The following DDX28 variants were observed in gnomAD, a reference collection of about 807,000 sequenced individuals.
DDX28 encodes probable ATP-dependent RNA helicase DDX28.
DDX28 carries 25 observed loss-of-function variants against 26.8 expected under a neutral mutation model. The observed-to-expected ratio is 0.93, with a 90% CI of 0.68 to 1.30. The LOEUF is 1.30. Ranked by LOEUF, DDX28 falls within the 50% of genes most tolerant of loss-of-function variation. The pLI is 0.00. For synonymous variants in DDX28, 370 were observed against 311.9 expected, an observed-to-expected ratio of 1.19 and a Z score of -1.96; for missense variants, 790 against 695.1, an observed-to-expected ratio of 1.14 and a Z score of -1.53.
Position 68,021,838 on chromosome 16 carries a change from G to A in DDX28, c.1365C>T (p.Asp455=), listed in dbSNP as rs759362509. The change falls in exon 1 of 1, where the codon GAC becomes GAT. Residue 455 remains aspartate (D), a synonymous_variant. Coordinates refer to ENST00000332395, the MANE Select transcript of DDX28 (RefSeq NM_018380.4). The part of the protein sequence containing the change: ...KSSRDILLCT[D]IASRGLDSTG... ...TGCTGTCCAGGCCCCGAGAGGCTAT[G>A]TCTGTGCAGAGAAGTATGTCTCGGG... The A allele has an allele frequency of 6.2e-7, 1 of 1,614,234 alleles. No individual in the cohort carries two copies. The highest frequency in any genetic ancestry group is 1.7e-5 in the Admixed American group (1 of 60,012).
chr16:68,021,567 A>T lies in DDX28; in HGVS notation c.*13T>A. 1 of 1,606,670 alleles carries T rather than the reference A, an allele frequency of 6.2e-7. No homozygotes were observed. Among genetic ancestry groups the T allele is most frequent in the Non-Finnish European group, 8.5e-7 (1 of 1,175,332 alleles). On this transcript the variant is annotated 3_prime_UTR_variant, in exon 1 of 1. Transcript: ENST00000332395. ...CCTGTTCTAGCATCACATTTTAATC[A>T]GATTTGTCAAAATCAGGTTGCTTGG...
In DDX28 at chr16:68,021,547, TC is replaced by T. The variant is rs1346231145; in HGVS notation, c.*32del. ...TCAAGATACTGGGAAAGATCCCTGT[TC>T]TAGCATCACATTTTAATCAGATTTG... On this transcript the variant is annotated 3_prime_UTR_variant, in exon 1 of 1. Coordinates refer to ENST00000332395, the MANE Select transcript of DDX28 (RefSeq NM_018380.4). The T allele has an allele frequency of 6.3e-7, 1 of 1,590,428 alleles. No homozygotes were observed. The highest frequency in any genetic ancestry group is 1.2e-5 in the South Asian group (1 of 86,320).
At position 68,021,860 on chromosome 16, in the gene DDX28, C is replaced by T; in HGVS notation, c.1343G>A (p.Arg448Gln). The change falls in exon 1 of 1, where the codon CGA becomes CAA. Residue 448 changes from arginine (R) to glutamine (Q), a missense_variant. Transcript: ENST00000332395. ...GIFQSFQKSS[R>Q]DILLCTDIAS... ...TATGTCTGTGCAGAGAAGTATGTCTCGGGAGCTCTTCTGGAAGGACTGGAA... is the reference window on the plus strand; with the variant it reads ...TATGTCTGTGCAGAGAAGTATGTCTTGGGAGCTCTTCTGGAAGGACTGGAA... The T allele has an allele frequency of 3.7e-6, 6 of 1,614,164 alleles. No homozygotes were observed. Among genetic ancestry groups the T allele is most frequent in the Non-Finnish European group, 5.1e-6 (6 of 1,180,042 alleles).
In DDX28 at chr16:68,021,804, C is replaced by G. The variant is rs749538296; in HGVS notation, c.1399G>C (p.Glu467Gln). 6.2e-7 allele frequency: 1 copy of G among 1,614,132 alleles called. No individual in the cohort carries two copies. Among genetic ancestry groups the G allele is most frequent in the East Asian group, 2.2e-5 (1 of 44,890 alleles). Residue 467 changes from glutamate to glutamine, a missense_variant, in exon 1 of 1, where the codon GAG becomes CAG. Transcript: ENST00000332395. ...GGGAAATCATAATTGACAACCAGCT[C>G]CACACCAGTGCTGTCCAGGCCCCGA... is the stretch of plus-strand genomic sequence containing the variant. The part of the protein sequence containing the change: ...ASRGLDSTGV[E>Q]LVVNYDFPPT...
At position 68,022,112 on chromosome 16, in the gene DDX28, T is replaced by C. The variant is rs200156577; in HGVS notation, c.1091A>G (p.His364Arg). 69 of 1,614,030 alleles carry C rather than the reference T, an allele frequency of 4.3e-5. No individual in the cohort carries two copies. The highest frequency in any genetic ancestry group is 5.2e-5 in the Non-Finnish European group (61 of 1,180,022). ...TSSKLHCIMP[H>R]VKQTFLRLKG... ...CAGTCTCAGAAATGTCTGTTTCACA[T>C]GAGGCATGATACAGTGGAGCTTGGA... The change falls in exon 1 of 1, where the codon CAT becomes CGT. Residue 364 changes from histidine (H) to arginine (R), a missense_variant. Physicochemically the swap from His to Arg is conservative, Grantham distance 29. Transcript: ENST00000332395.
rs2033227478 is a variant in DDX28, at chr16:68,020,985, A to G, written c.*595T>C. On this transcript the variant is annotated 3_prime_UTR_variant, in exon 1 of 1. Transcript: ENST00000332395. ...CGGCTACCGAGTTGGGATAGAAGGCAGAACCTGAAAATGTACAAGCAAAAC... is the reference window on the plus strand; with the variant it reads ...CGGCTACCGAGTTGGGATAGAAGGCGGAACCTGAAAATGTACAAGCAAAAC... Among the ~76,000 whole-genome samples the G allele has an allele frequency of 6.6e-6, 1 of 151,314 alleles. No homozygotes were observed. Among genetic ancestry groups the G allele is most frequent in the South Asian group, 2.1e-4 (1 of 4,814 alleles).
rs766176001 is a variant in DDX28 at position 68,023,169 on chromosome 16, G to A, written c.34C>T (p.Leu12Phe). 70 of 1,609,428 alleles carry A rather than the reference G, an allele frequency of 4.3e-5. No homozygotes were observed. Among genetic ancestry groups the A allele is most frequent in the Non-Finnish European group, 5.5e-5 (65 of 1,179,622 alleles). ...GGCGCCAGGAGCAACCGAGTCACGA[G>A]GGAAAAGAGCCGCACCGGCCGCGTT... is the stretch of plus-strand genomic sequence containing the variant. ...ALTRPVRLFS[L>F]VTRLLLAPRR... is the part of the protein sequence containing the mutation. The change falls in exon 1 of 1, where the codon CTC becomes TTC. Residue 12 changes from leucine (L) to phenylalanine (F), a missense_variant. By Grantham distance (22) the Leu-to-Phe change is conservative. Coordinates refer to ENST00000332395, the MANE Select transcript of DDX28 (RefSeq NM_018380.4).
chr16:68,022,407 G>A lies in DDX28; in HGVS notation c.796C>T (p.Leu266=), dbSNP rs762169875. ...AGTCGACTTTTCAGGGCCTTCCACA[G>A]AGCCCCTGGAGTGGCCACAAGCACA... ...ADVLVATPGA[L]WKALKSRLIS... The change falls in exon 1 of 1, where the codon CTG becomes TTG. Residue 266 remains leucine, a synonymous_variant. Transcript: ENST00000332395. 8.7e-6 allele frequency: 14 copies of A among 1,613,940 alleles called. No individual in the cohort carries two copies. In the South Asian group the frequency reaches 1.5e-4, roughly 18 times the overall value.
Position 68,023,212 on chromosome 16 carries a change from A to C in DDX28, c.-10T>G, listed in dbSNP as rs777366429. The C allele has an allele frequency of 8.1e-5, 130 of 1,602,592 alleles. No homozygotes were observed. Among genetic ancestry groups the C allele is most frequent in the South Asian group, 6.7e-4 (60 of 90,042 alleles). On this transcript the variant is annotated 5_prime_UTR_variant, in exon 1 of 1. Transcript: ENST00000332395. Reference sequence around the variant, plus strand: ...GCCGCGTTAGAGCCATGTTTCCCTTAGTGCGGGAGAAGCGCACATCAGTGA... The same window carrying C: ...GCCGCGTTAGAGCCATGTTTCCCTTCGTGCGGGAGAAGCGCACATCAGTGA...
chr16:68,022,298 T>C lies in DDX28; in HGVS notation c.905A>G (p.Tyr302Cys), dbSNP rs1261822590. 1.2e-6 allele frequency: 2 copies of C among 1,614,100 alleles called. No individual in the cohort carries two copies. Among genetic ancestry groups the C allele is most frequent in the Admixed American group, 1.7e-5 (1 of 60,004 alleles). Reference protein sequence around the residue: ...LDESFLELVDYILEKSHIAEG... With the variant: ...LDESFLELVDCILEKSHIAEG... ...TGCTATGTGGCTCTTCTCTAAGATG[T>C]AGTCCACCAGTTCCAGGAAGCTTTC... Residue 302 changes from tyrosine to cysteine, a missense_variant, in exon 1 of 1, where the codon TAC (tyrosine) becomes TGC (cysteine). Physicochemically the swap from Tyr to Cys is radical, Grantham distance 194. Transcript: ENST00000332395.
chr16:68,023,115 C>T lies in DDX28; in HGVS notation c.88G>A (p.Asp30Asn), dbSNP rs2033280915. 1.9e-6 allele frequency: 3 copies of T among 1,604,000 alleles called. No homozygotes were observed. The highest frequency in any genetic ancestry group is 2.2e-5 in the South Asian group (2 of 91,058). The stretch of plus-strand genomic sequence containing the variant: ...ATGCGCACCACCGGCAGGGGTTCGT[C>T]GGGACTGCGGACCGTGAGGCCCCGT... ...PRRGLTVRSP[D>N]EPLPVVRIPV... The change falls in exon 1 of 1, where the codon GAC becomes AAC. Residue 30 changes from aspartate (D) to asparagine (N), a missense_variant. Asp to Asn is a conservative substitution (Grantham distance 23). Coordinates refer to ENST00000332395, the MANE Select transcript of DDX28 (RefSeq NM_018380.4).
Position 68,021,698 on chromosome 16 carries a change from A to G in DDX28, c.1505T>C (p.Phe502Ser), listed in dbSNP as rs1490064881. ...GCTCACATCCCAGGGATGGGTCACA[A>G]AACTGATGACGGTGCCTGGCACCTC... ...GSEVPGTVIS[F>S]VTHPWDVSLV... The change falls in exon 1 of 1, where the codon TTT (phenylalanine) becomes TCT (serine). Residue 502 changes from phenylalanine (F) to serine (S), a missense_variant. Physicochemically the swap from Phe to Ser is radical, Grantham distance 155 (BLOSUM62 -2). Transcript: ENST00000332395. The G allele has an allele frequency of 3.1e-6, 5 of 1,614,206 alleles. No individual in the cohort carries two copies. In the South Asian group the frequency reaches 3.3e-5, roughly 11 times the overall value.
chr16:68,021,916 C>A lies in DDX28; in HGVS notation c.1287G>T (p.Gly429=). 1 of 1,614,188 alleles carries A rather than the reference C, an allele frequency of 6.2e-7. No homozygotes were observed. Among genetic ancestry groups the A allele is most frequent in the Non-Finnish European group, 8.5e-7 (1 of 1,180,036 alleles). ...CTACCCTCATCAAGGCTGGCATTTG[C>A]CCCTGCAACCTTAGGTGTTGGATTT... The part of the protein sequence containing the change: ...DHKIQHLRLQ[G]QMPALMRVGI... The change falls in exon 1 of 1, where the codon GGG becomes GGT. Residue 429 remains glycine (G), a synonymous_variant. Coordinates refer to ENST00000332395, the MANE Select transcript of DDX28 (RefSeq NM_018380.4).
Position 68,021,460 on chromosome 16 carries a change from C to G in DDX28, c.*120G>C. ...CTTTCCAAGTCACAAAGCAGTTCAT[C>G]CCGCCCTCAAGGAGCCGACAGGGCA... On this transcript the variant is annotated 3_prime_UTR_variant, in exon 1 of 1. Coordinates refer to ENST00000332395, the MANE Select transcript of DDX28 (RefSeq NM_018380.4). The G allele has an allele frequency of 9.3e-7, 1 of 1,076,944 alleles. No individual in the cohort carries two copies. The allele number at this position is 1,076,944 out of a possible 1,614,324, so 66.7% of individuals were successfully genotyped here.
At position 68,022,812 on chromosome 16, in the gene DDX28, G is replaced by A. The variant is rs781584332; in HGVS notation, c.391C>T (p.Leu131=). The A allele has an allele frequency of 6.3e-6, 10 of 1,581,700 alleles. 1 individual carries two copies. The Admixed American group carries it at 9.2e-5, about 15-fold the overall frequency. ...KLSSKGSFAD[L]GLEPRVLHAL... is the part of the protein sequence containing the mutation. ...TGCAGCACACGGGGCTCCAGGCCCA[G>A]GTCAGCAAAGCTGCCCTTAGACGAG... The change falls in exon 1 of 1, where the codon CTG becomes TTG. Residue 131 remains leucine (L), a synonymous_variant. Coordinates refer to ENST00000332395, the MANE Select transcript of DDX28 (RefSeq NM_018380.4).
rs369666846 is a variant in DDX28, at chr16:68,021,723, C to G, written c.1480G>C (p.Glu494Gln). The change falls in exon 1 of 1, where the codon GAG (glutamate) becomes CAG (glutamine). Residue 494 changes from glutamate (E) to glutamine (Q), a missense_variant. Coordinates refer to ENST00000332395, the MANE Select transcript of DDX28 (RefSeq NM_018380.4). ...RAGRVGRVGS[E>Q]VPGTVISFVT... is the part of the protein sequence containing the mutation. ...AAACTGATGACGGTGCCTGGCACCT[C>G]GCTCCCCACACGGCCCACTCTCCCT... 4 of 1,614,168 alleles carry G rather than the reference C, an allele frequency of 2.5e-6. No homozygotes were observed. Among genetic ancestry groups the G allele is most frequent in the Non-Finnish European group, 3.4e-6 (4 of 1,180,028 alleles).
At position 68,021,355 on chromosome 16, in the gene DDX28, C is replaced by CA; in HGVS notation, c.*224dup. The CA allele has an allele frequency of 1.8e-6, 1 of 563,614 alleles. No homozygotes were observed. The highest frequency in any genetic ancestry group is 2.3e-5 in the South Asian group (1 of 43,462). 34.9% of individuals were successfully genotyped at this position (563,614 alleles called of 1,614,324 possible). The stretch of plus-strand genomic sequence containing the variant: ...TAGAAATCATGACATGATACAAAGT[C>CA]AAAATCCACTTGTGTCTTGCTAAAG... On this transcript the variant is annotated 3_prime_UTR_variant, in exon 1 of 1. Coordinates refer to ENST00000332395, the MANE Select transcript of DDX28 (RefSeq NM_018380.4).
In DDX28 at chr16:68,023,055, G is replaced by A; in HGVS notation, c.148C>T (p.Gln50Ter). The change falls in exon 1 of 1, where the codon CAG becomes TAG. Residue 50 changes from glutamine (Q) to a stop codon, truncating the protein, a stop_gained. Transcript: ENST00000332395. LOFTEE classifies it low-confidence loss of function (END_TRUNC). Reference protein sequence around the residue: ...VALQRQLEQRQSRRRNLPRPV... With the variant: ...VALQRQLEQR ...CTCGGGAGGTTCCGCCGCCTGCTCT[G>A]CCGCTGTTCCAACTGCCGCTGTAGA... The A allele has an allele frequency of 6.3e-7, 1 of 1,597,876 alleles. No homozygotes were observed. Among genetic ancestry groups the A allele is most frequent in the Non-Finnish European group, 8.5e-7 (1 of 1,178,962 alleles).
In DDX28 at chr16:68,021,880, C is replaced by G. The variant is rs1177273832; in HGVS notation, c.1323G>C (p.Gln441His). The change falls in exon 1 of 1, where the codon CAG becomes CAC. Residue 441 changes from glutamine (Q) to histidine (H), a missense_variant. Gln to His is a conservative substitution (Grantham distance 24). Coordinates refer to ENST00000332395, the MANE Select transcript of DDX28 (RefSeq NM_018380.4). Reference sequence around the variant, plus strand: ...TGTCTCGGGAGCTCTTCTGGAAGGACTGGAAGATTCCTACCCTCATCAAGG... The same window carrying G: ...TGTCTCGGGAGCTCTTCTGGAAGGAGTGGAAGATTCCTACCCTCATCAAGG... ...MPALMRVGIF[Q>H]SFQKSSRDIL... 1.9e-6 allele frequency: 3 copies of G among 1,614,196 alleles called. No individual in the cohort carries two copies. The highest frequency in any genetic ancestry group is 2.5e-6 in the Non-Finnish European group (3 of 1,180,046).
Sources: allele counts gnomAD v4.1 joint callset (sites outside exome capture counted in the v4.1 genomes callset), GRCh38; gene constraint gnomAD v4.1.1; transcripts MANE v1.5; gene names NCBI Gene and HGNC (gene_info 2026-07-23, HGNC 2026-07-21).